The following TTC12 variants were observed in gnomAD, a reference collection of about 807,000 sequenced individuals.
The protein encoded by TTC12 is tetratricopeptide repeat domain 12, also known as tetratricopeptide repeat protein 12.
A neutral mutation model predicts 90.1 loss-of-function variants in TTC12; 70 were observed. The observed-to-expected ratio is 0.78, with a 90% CI of 0.64 to 0.95. The LOEUF is 0.95. Among genes scored for constraint, TTC12 ranks in the 40% least tolerant of loss-of-function variants. TTC12 has a pLI of 0.00. For synonymous variants in TTC12, 296 were observed against 311.5 expected, an observed-to-expected ratio of 0.95 and a Z score of 0.53; for missense variants, 819 against 846.1, an observed-to-expected ratio of 0.97 and a Z score of 0.40.
intron 2 of TTC12, among the ~76,000 whole-genome samples, chr11:113,321,705 G>A (rs1362860901): frequency 6.6e-6 from 1 of 152,146 alleles, no homozygotes; most frequent in African/African-American, 2.4e-5. Context: ...TGGCCAAAAG[G>A]ATGTTTGCAA....
intron 2 of TTC12, 91 bp from the exon 3 acceptor site, chr11:113,323,197 C>T: frequency 6.3e-6 from 6 of 949,354 alleles, no homozygotes; most frequent in South Asian, 3.5e-5. Context: ...TCTTTAAGAT[C>T]TTTCCCATGC....
intron 10 of TTC12, 39 bp downstream of exon 10, chr11:113,339,513 GT>G: frequency 6.4e-7 from 1 of 1,550,400 alleles, no homozygotes; most frequent in South Asian, 1.2e-5. Context: ...AGTGCTGTCA[GT>G]GTGAAGGGAC....
chr11:113,373,106 A>T (rs1323278714), intron 21 of TTC12: 4 of 722,752 alleles, frequency 5.5e-6, no homozygotes, highest in Non-Finnish European at 6.8e-6. Context: ...GGGTTCTATC[A>T]TTATTCTCCC....
intron 19 of TTC12, 93 bp downstream of exon 19, chr11:113,362,595 A>C: frequency 1.2e-6 from 1 of 847,036 alleles, no homozygotes; most frequent in South Asian, 1.6e-5. Context: ...TGTTTGGTTA[A>C]TGTGCTGCCA....
chr11:113,360,892 C>T (rs4438071), intron 18 of TTC12, among the ~76,000 whole-genome samples: 53,918 of 152,150 alleles, frequency 0.35, 10,882 homozygotes, highest in Non-Finnish European at 0.47. Flanking sequence ...TGCATTTTCA[C>T]AGACGGGGCA....
chr11:113,330,007 A>T, intron 7 of TTC12, 28 bp downstream of exon 7: 2 of 1,581,426 alleles, frequency 1.3e-6, no homozygotes, highest in South Asian at 2.2e-5. Context: ...TTCCCACATG[A>T]TAGTGTTGGG....
At chr11:113,324,563 T>C (rs782228606) in intron 4 of TTC12, 42 bp from the exon 5 acceptor site, 28 of 1,550,976 alleles carry the variant, frequency 1.8e-5, no homozygotes, top group Non-Finnish European at 2.0e-5. Context: ...ATTATAGTAT[T>C]TGGATTTTTC....
At position 113,352,076 on chromosome 11, in the gene TTC12, G is replaced by A. The variant is rs961284452; in HGVS notation, c.1315G>A (p.Asp439Asn). The A allele has an allele frequency of 1.2e-6, 2 of 1,613,614 alleles. No homozygotes were observed. The highest frequency in any genetic ancestry group is 1.7e-6 in the Non-Finnish European group (2 of 1,179,886). Residue 439 changes from aspartate (D) to asparagine (N), a missense_variant, in exon 16 of 22, where the codon GAT becomes AAT. By Grantham distance (23) the Asp-to-Asn change is conservative (BLOSUM62 1). Transcript: ENST00000529221. The stretch of plus-strand genomic sequence containing the variant: ...TCTCTCAATTCTCATTTAGAAGACA[G>A]ATCCCAAGGTAAGCAGCTCCTCGGC... Reference protein sequence around the residue: ...LPALTGVLKTDPKVSSSSALC... With the variant: ...LPALTGVLKTNPKVSSSSALC...
chr11:113,319,030 G>A (rs1555137044), intron 2 of TTC12, among the ~76,000 whole-genome samples: 1 of 152,156 alleles, frequency 6.6e-6, no homozygotes, highest in Non-Finnish European at 1.5e-5. Flanking sequence ...CTTCCAAAGA[G>A]TACAGTATGG....
chr11:113,342,239 C>A (rs80125463), intron 12 of TTC12, among the ~76,000 whole-genome samples: 3,303 of 152,160 alleles, frequency 0.022, 115 homozygotes, highest in African/African-American at 0.072. Context: ...TTCTTGTCAG[C>A]CTAAAATATT....
intron 7 of TTC12, among the ~76,000 whole-genome samples, chr11:113,333,141 A>G (rs1378031280): frequency 1.3e-5 from 2 of 152,062 alleles, no homozygotes; most frequent in Non-Finnish European, 2.9e-5. Flanking sequence ...CCACACTGCC[A>G]TTGGTGACTC....
intron 7 of TTC12, among the ~76,000 whole-genome samples, chr11:113,330,180 G>A (rs1232697897): frequency 2.0e-5 from 3 of 152,218 alleles, no homozygotes; most frequent in Non-Finnish European, 4.4e-5. Flanking sequence ...AAGCAATCCA[G>A]GGAGCTGCTG....
downstream of TTC12, chr11:113,369,232 T>G (rs1950309938): frequency 6.6e-6 from 1 of 152,300 alleles, no homozygotes; most frequent in African/African-American, 2.4e-5. Flanking sequence ...GTTCAAGTGA[T>G]TCTCATGTCT....
chr11:113,315,950 G>C, intron 1 of TTC12: 1 of 235,680 alleles, frequency 4.2e-6, no homozygotes, highest in Admixed American at 5.6e-5. Context: ...CTCCATGCCA[G>C]GTCCCTAAAT....
intron 2 of TTC12, among the ~76,000 whole-genome samples, chr11:113,321,781 G>A (rs1193158081): frequency 6.6e-6 from 1 of 152,190 alleles, no homozygotes; most frequent in Non-Finnish European, 1.5e-5. Flanking sequence ...CCACTCATGA[G>A]AAAGTAAGAC....
Position 113,323,456 on chromosome 11 carries a change from CT to C in TTC12, c.222+10del. Reference sequence around the variant, plus strand: ...CCTCCACAAACTGCTATGAAGGTTTCTTTTTCTATTGAGAAGTTATATAAGT... The same window carrying C: ...CCTCCACAAACTGCTATGAAGGTTTCTTTTCTATTGAGAAGTTATATAAGT... On this transcript the variant is annotated splice_donor_region_variant and intron_variant, in intron 3 of 21. Coordinates refer to ENST00000529221, the MANE Select transcript of TTC12 (RefSeq NM_017868.4). 6.4e-7 allele frequency: 1 copy of C among 1,559,232 alleles called. No homozygotes were observed. The highest frequency in any genetic ancestry group is 1.2e-5 in the South Asian group (1 of 80,164).
Position 113,339,275 on chromosome 11 carries a change from T to G in TTC12, c.638-11T>G, listed in dbSNP as rs1555145151. The G allele has an allele frequency of 6.3e-7, 1 of 1,588,064 alleles. No homozygotes were observed. Among genetic ancestry groups the G allele is most frequent in the Admixed American group, 1.9e-5 (1 of 52,474 alleles). On this transcript the variant is annotated splice_polypyrimidine_tract_variant and intron_variant, in intron 9 of 21. Transcript: ENST00000529221. Reference sequence around the variant, plus strand: ...AGGGTTTTGTTTTGCTTTCCTTTCTTGTTTTTCTAGGTTACCTGAATCAAG... The same window carrying G: ...AGGGTTTTGTTTTGCTTTCCTTTCTGGTTTTTCTAGGTTACCTGAATCAAG...
intron 16 of TTC12, among the ~76,000 whole-genome samples, chr11:113,352,919 T>A (rs1442615680): frequency 1.3e-5 from 2 of 152,222 alleles, no homozygotes; most frequent in African/African-American, 4.8e-5. Context: ...AACATATATG[T>A]GCATGTGTCC....
At chr11:113,325,415 C>T (rs542402174) in intron 5 of TTC12, 109 bp from the exon 6 acceptor site, 48 of 1,304,918 alleles carry the variant, frequency 3.7e-5, no homozygotes, top group African/African-American at 5.9e-5. Context: ...CCTTTAGGAT[C>T]GATAGAAGTG....
Sources: allele counts gnomAD v4.1 joint callset (sites outside exome capture counted in the v4.1 genomes callset), GRCh38; gene constraint gnomAD v4.1.1; transcripts MANE v1.5; gene names NCBI Gene and HGNC (gene_info 2026-07-23, HGNC 2026-07-21).